Variants in ETV3 observed in about 807,000 individuals in gnomAD.
ETV3 encodes ETS variant transcription factor 3.
ETV3 carries 8 observed loss-of-function variants against 33.0 expected under a neutral mutation model. That is an observed-to-expected ratio of 0.24 (90% CI 0.14 to 0.44). The LOEUF (loss-of-function observed/expected upper bound fraction) is 0.44. ETV3 is among the 20% of genes least tolerant of loss of function. The pLI, the probability that ETV3 is intolerant of heterozygous loss-of-function variation, is 1.00. For missense variants in ETV3, 473 were observed against 652.3 expected, an observed-to-expected ratio of 0.73 and a Z score of 2.99; for synonymous variants, 222 against 238.9, an observed-to-expected ratio of 0.93 and a Z score of 0.65.
At chr1:157,128,442 C>A in intron 4 of ETV3, 1 of 326,490 alleles carries the variant, frequency 3.1e-6, no homozygotes, top group South Asian at 3.2e-5. Flanking sequence ...GAGGCAAGCA[C>A]GAGACTGGGC....
At chr1:157,127,983 AG>A (rs1442569248) in intron 4 of ETV3, among the ~76,000 whole-genome samples, 4 of 152,164 alleles carry the variant, frequency 2.6e-5, no homozygotes, top group Non-Finnish European at 5.9e-5. Context: ...TAATGTCAGC[AG>A]GGTTCTCAGG....
At chr1:157,132,543 G>A (rs900279022) in intron 4 of ETV3, among the ~76,000 whole-genome samples, 1 of 152,038 alleles carries the variant, frequency 6.6e-6, no homozygotes, top group Non-Finnish European at 1.5e-5. Flanking sequence ...GGGGTGAAGG[G>A]GTATGAAAAC....
intron 2 of ETV3, 90 bp downstream of exon 2, chr1:157,136,217 C>CT: frequency 7.9e-7 from 1 of 1,265,456 alleles, no homozygotes. Context: ...CAGTCATGGT[C>CT]TGACATTTGT....
chr1:157,128,159 TCTGCTGGTATTCGTAAGACTGTAG>T (rs1443213121), intron 4 of ETV3, among the ~76,000 whole-genome samples: 3 of 152,038 alleles, frequency 2.0e-5, no homozygotes, highest in South Asian at 2.1e-4. Context: ...GACTCTGGAG[TCTGCTGGTATTCGTAAGACTGTAG>T]CTTTCTGGGT....
chr1:157,136,209 G>T, intron 2 of ETV3, 98 bp downstream of exon 2: 2 of 1,179,382 alleles, frequency 1.7e-6, no homozygotes, highest in Non-Finnish European at 2.5e-6. Context: ...GAGAGTGTCA[G>T]TCATGGTCTG....
chr1:157,123,412 A>C lies in ETV3; in HGVS notation c.*1429T>G, dbSNP rs1381066998. 2 of 152,302 alleles carry C rather than the reference A, an allele frequency of 1.3e-5. No individual in the cohort carries two copies. The highest frequency in any genetic ancestry group is 2.9e-5 in the Non-Finnish European group (2 of 68,068). 9.4% of individuals were successfully genotyped at this position (152,302 alleles called of 1,614,324 possible). On this transcript the variant is annotated 3_prime_UTR_variant, in exon 5 of 5. Coordinates refer to ENST00000368192, the MANE Select transcript of ETV3 (RefSeq NM_001145312.3). ...CAATTCCTCACTGCCTATAAACTGT[A>C]GTCTCATGTGGGATAGTCAATTGAA...
rs770908483 is a variant in ETV3 at position 157,125,616 on chromosome 1, C to T, written c.764G>A (p.Arg255His). The change falls in exon 5 of 5, where the codon CGC (arginine) becomes CAC (histidine). Residue 255 changes from arginine (R) to histidine (H), a missense_variant. Around this residue, in one of 3 missense-constraint regions of ETV3, gnomAD observed 410 missense variants for 520.2 expected, o/e 0.79. Transcript: ENST00000368192. The surrounding 1 kb of genome is among the most constrained non-coding windows in gnomAD (Gnocchi z 4.0). ...AATGGGGACATTAAGGACACCTCCG[C>T]GGCCAGGGATTGGAGAGACAGCGAA... ...SPFAVSPIPG[R>H]GGVLNVPISP... 46 of 1,551,576 alleles carry T rather than the reference C, an allele frequency of 3.0e-5. No individual in the cohort carries two copies. Among genetic ancestry groups the T allele is most frequent in the African/African-American group, 6.8e-5 (5 of 73,014 alleles).
intron 3 of ETV3, 59 bp downstream of exon 3, chr1:157,135,412 C>A: frequency 6.3e-7 from 1 of 1,588,260 alleles, no homozygotes; most frequent in South Asian, 1.1e-5. Context: ...CTAGCATTCA[C>A]CAAACAGCTT....
chr1:157,124,238 C>CAAAAAAAAAAAAA lies in ETV3; in HGVS notation c.*590_*602dup, dbSNP rs11348539. On this transcript the variant is annotated 3_prime_UTR_variant, in exon 5 of 5. Coordinates refer to ENST00000368192, the MANE Select transcript of ETV3 (RefSeq NM_001145312.3). ...GAAAAAAATGCCAAACAACACCAAC[C>CAAAAAAAAAAAAA]AAAAAAAAAAAAAAAAAAAAAAGAA... 3.0e-5 allele frequency: 2 copies of CAAAAAAAAAAAAA among 67,694 alleles called. No homozygotes were observed. Among genetic ancestry groups the CAAAAAAAAAAAAA allele is most frequent in the Admixed American group, 1.6e-4 (1 of 6,282 alleles). 4.2% of individuals were successfully genotyped at this position (67,694 alleles called of 1,614,324 possible).
Position 157,124,307 on chromosome 1 carries a change from C to G in ETV3, c.*534G>C, listed in dbSNP as rs1271833861. On this transcript the variant is annotated 3_prime_UTR_variant, in exon 5 of 5. Transcript: ENST00000368192. ...ACATCCAAACATTCCCCAAGCCCCA[C>G]CCCAGTAAGTCTGAGATTATCTTAT... The G allele has an allele frequency of 6.6e-6, 1 of 151,044 alleles. No homozygotes were observed. The highest frequency in any genetic ancestry group is 1.5e-5 in the Non-Finnish European group (1 of 67,870). The allele number at this position is 151,044 out of a possible 1,614,324, so 9.4% of individuals were successfully genotyped here. A position where few individuals can be genotyped will look rare whatever the true frequency, so the allele number is the denominator to read the frequency against.
intron 1 of ETV3, among the ~76,000 whole-genome samples, chr1:157,136,724 AAC>A (rs1675122164): frequency 6.6e-6 from 1 of 152,230 alleles, no homozygotes; most frequent in Non-Finnish European, 1.5e-5. Flanking sequence ...AAACAAGTCA[AAC>A]AGTTTGTCTT....
In ETV3 at chr1:157,124,793, T is replaced by A; in HGVS notation, c.*48A>T. Reference sequence around the variant, plus strand: ...CCTGAAATCTTGCTACATAAATACATGTATGTATTTGATTATAGTATAAAC... The same window carrying A: ...CCTGAAATCTTGCTACATAAATACAAGTATGTATTTGATTATAGTATAAAC... On this transcript the variant is annotated 3_prime_UTR_variant, in exon 5 of 5. Coordinates refer to ENST00000368192, the MANE Select transcript of ETV3 (RefSeq NM_001145312.3). The A allele has an allele frequency of 3.6e-6, 1 of 278,176 alleles. No individual in the cohort carries two copies. The highest frequency in any genetic ancestry group is 5.7e-6 in the Non-Finnish European group (1 of 174,530). 17.2% of individuals were successfully genotyped at this position (278,176 alleles called of 1,614,324 possible). A position where few individuals can be genotyped will look rare whatever the true frequency, so the allele number is the denominator to read the frequency against.
At chr1:157,133,607 G>A in intron 4 of ETV3, 11 of 986,784 alleles carry the variant, frequency 1.1e-5, no homozygotes, top group Non-Finnish European at 1.3e-5. Flanking sequence ...ATTTGCTGTT[G>A]CAGATCAAAG....
Sources: allele counts gnomAD v4.1 joint callset (sites outside exome capture counted in the v4.1 genomes callset), GRCh38; gene constraint gnomAD v4.1.1; regional missense constraint gnomAD v4.1.1; non-coding constraint Gnocchi (gnomAD v3.1); transcripts MANE v1.5; gene names NCBI Gene and HGNC (gene_info 2026-07-23, HGNC 2026-07-21).